CCDC81: variants seen among roughly 807,000 people sequenced by gnomAD.
The protein encoded by CCDC81 is coiled-coil domain containing 81, also known as coiled-coil domain-containing protein 81.
CCDC81 carries 79 observed loss-of-function variants against 83.7 expected under a neutral mutation model. That is an observed-to-expected ratio of 0.94 (90% CI 0.79 to 1.14). The LOEUF is 1.14. CCDC81 is among the 50% of genes most tolerant of loss of function. The pLI is 0.00. For missense variants in CCDC81, 791 were observed against 778.1 expected, an observed-to-expected ratio of 1.02 and a Z score of -0.20; for synonymous variants, 252 against 278.1, an observed-to-expected ratio of 0.91 and a Z score of 0.93.
At chr11:86,420,772 C>T (rs1948779084) in intron 14 of CCDC81, among the ~76,000 whole-genome samples, 1 of 152,186 alleles carries the variant, frequency 6.6e-6, no homozygotes, top group Non-Finnish European at 1.5e-5. Context: ...TCTTGTAAAG[C>T]ATTTCTCACC....
At chr11:86,391,763 A>AT (rs2138508948) in intron 3 of CCDC81, among the ~76,000 whole-genome samples, 1 of 152,336 alleles carries the variant, frequency 6.6e-6, no homozygotes, top group South Asian at 2.1e-4. Flanking sequence ...GTATCAGTTC[A>AT]TTCTTGCATT....
At position 86,422,587 on chromosome 11, in the gene CCDC81, C is replaced by G. The variant is rs369498043; in HGVS notation, c.1831C>G (p.Leu611Val). The G allele has an allele frequency of 1.2e-6, 2 of 1,613,656 alleles. No individual in the cohort carries two copies. The highest frequency in any genetic ancestry group is 2.7e-5 in the African/African-American group (2 of 74,924). ...DKAFERASDKLFLLDQCEKYR... is the reference protein window; with the variant it reads ...DKAFERASDKVFLLDQCEKYR... ...TCCTCTCCTCAGGGCTTCAGACAAG[C>G]TGTTTCTCCTAGACCAGTGTGAGAA... Residue 611 changes from leucine (L) to valine (V), a missense_variant, in exon 15 of 15, where the codon CTG becomes GTG. Leu to Val is a conservative substitution (Grantham distance 32). Transcript: ENST00000445632.
chr11:86,400,652 G>A (rs559821690), intron 6 of CCDC81, 26 bp from the exon 7 acceptor site: 63 of 1,570,676 alleles, frequency 4.0e-5, no homozygotes, highest in South Asian at 3.0e-4. Context: ...AAGGAGACTC[G>A]TTTTCATTCA....
chr11:86,416,891 GT>G (rs1469805516), intron 13 of CCDC81, among the ~76,000 whole-genome samples: 1 of 151,826 alleles, frequency 6.6e-6, no homozygotes, highest in Non-Finnish European at 1.5e-5. Flanking sequence ...ATTTATACTT[GT>G]TTTTTTTCTT....
At chr11:86,402,831 G>A (rs1948511733) in intron 7 of CCDC81, among the ~76,000 whole-genome samples, 1 of 151,592 alleles carries the variant, frequency 6.6e-6, no homozygotes, top group Non-Finnish European at 1.5e-5. Flanking sequence ...GATTTCTAGT[G>A]GGTTTTTTTG....
intron 1 of CCDC81, among the ~76,000 whole-genome samples, chr11:86,381,595 A>T (rs1948177506): frequency 2.0e-5 from 3 of 152,176 alleles, no homozygotes; most frequent in Admixed American, 6.5e-5. Flanking sequence ...TCTGCATGTG[A>T]GTCCGTTTCA....
chr11:86,416,719 G>A (rs1316808800), intron 13 of CCDC81, among the ~76,000 whole-genome samples: 2 of 152,084 alleles, frequency 1.3e-5, no homozygotes, highest in Non-Finnish European at 2.9e-5. Context: ...ATTCTTTACT[G>A]GTTATGGCAG....
intron 14 of CCDC81, among the ~76,000 whole-genome samples, chr11:86,421,749 C>G (rs1160929699): frequency 6.6e-6 from 1 of 152,248 alleles, no homozygotes; most frequent in South Asian, 2.1e-4. Context: ...GAAACCCCAT[C>G]TCTACCAAAA....
intron 6 of CCDC81, among the ~76,000 whole-genome samples, chr11:86,399,591 C>T (rs1948456793): frequency 6.6e-6 from 1 of 151,084 alleles, no homozygotes; most frequent in South Asian, 2.2e-4. Flanking sequence ...GTTGGGATTA[C>T]AGGCGTGAGC....
Position 86,422,840 on chromosome 11 carries a change from T to C in CCDC81, c.*125T>C, listed in dbSNP as rs1288603680. On this transcript the variant is annotated 3_prime_UTR_variant, in exon 15 of 15. Coordinates refer to ENST00000445632, the MANE Select transcript of CCDC81 (RefSeq NM_001156474.2). Reference sequence around the variant, plus strand: ...TCATTGTTTAGGTTTGGTGCTTTCATTAGATTGCTTGTTAAGCCCTTATTG... The same window carrying C: ...TCATTGTTTAGGTTTGGTGCTTTCACTAGATTGCTTGTTAAGCCCTTATTG... 9.6e-6 allele frequency: 9 copies of C among 938,722 alleles called. No homozygotes were observed. Among genetic ancestry groups the C allele is most frequent in the Non-Finnish European group, 1.1e-5 (7 of 632,672 alleles). 58.1% of individuals were successfully genotyped at this position (938,722 alleles called of 1,614,324 possible).
At chr11:86,418,359 G>A (rs1249216578) in intron 13 of CCDC81, among the ~76,000 whole-genome samples, 1 of 152,164 alleles carries the variant, frequency 6.6e-6, no homozygotes, top group Non-Finnish European at 1.5e-5. Context: ...TTCTGGATAT[G>A]TATTCAAAAA....
chr11:86,393,450 A>G (rs1447017348), intron 4 of CCDC81, among the ~76,000 whole-genome samples: 3 of 152,186 alleles, frequency 2.0e-5, no homozygotes, highest in Admixed American at 1.3e-4. Context: ...CTAATTTTAC[A>G]ATTGAGAAAA....
In CCDC81 at chr11:86,422,572, A is replaced by G. The variant is rs1448323430; in HGVS notation, c.1818-2A>G. On this transcript the variant is annotated splice_acceptor_variant, in intron 14 of 14. Transcript: ENST00000445632. LOFTEE classifies it high-confidence loss of function. ...GATCGGCATTTGCTCTCCTCTCCTC[A>G]GGGCTTCAGACAAGCTGTTTCTCCT... 1 of 1,612,890 alleles carries G rather than the reference A, an allele frequency of 6.2e-7. No homozygotes were observed. Among genetic ancestry groups the G allele is most frequent in the African/African-American group, 1.3e-5 (1 of 74,994 alleles).
At chr11:86,410,414 C>T (rs1272313725) in intron 10 of CCDC81, among the ~76,000 whole-genome samples, 3 of 151,962 alleles carry the variant, frequency 2.0e-5, no homozygotes, top group African/African-American at 7.3e-5. Context: ...ATAATAAATG[C>T]GATGATAAAT....
intron 1 of CCDC81, among the ~76,000 whole-genome samples, chr11:86,377,321 G>C (rs574614153): frequency 2.6e-5 from 4 of 152,150 alleles, no homozygotes; most frequent in Non-Finnish European, 5.9e-5. Flanking sequence ...AATACCCAGG[G>C]ACATAATCGC....
intron 7 of CCDC81, among the ~76,000 whole-genome samples, chr11:86,406,173 A>G (rs1948563294): frequency 1.3e-5 from 2 of 152,198 alleles, no homozygotes; most frequent in African/African-American, 4.8e-5. Flanking sequence ...ATTGCTTAAA[A>G]TGATTCTTAC....
At chr11:86,382,975 A>G (rs1948194453) in intron 1 of CCDC81, among the ~76,000 whole-genome samples, 1 of 152,236 alleles carries the variant, frequency 6.6e-6, no homozygotes, top group Non-Finnish European at 1.5e-5. Flanking sequence ...AAGTCAAACT[A>G]CTATTTATTA....
At chr11:86,388,202 CTCCTTCCCTCCT>C (rs1948273021) in intron 3 of CCDC81, among the ~76,000 whole-genome samples, 1 of 120,048 alleles carries the variant, frequency 8.3e-6, no homozygotes, top group South Asian at 2.9e-4. Flanking sequence ...TCCTCCTTCC[CTCCTTCCCTCCT>C]TCCTTCCTTC....
At chr11:86,418,844 G>T (rs1171327477) in intron 13 of CCDC81, among the ~76,000 whole-genome samples, 1 of 151,956 alleles carries the variant, frequency 6.6e-6, no homozygotes, top group Non-Finnish European at 1.5e-5. Context: ...AAATGGTTAA[G>T]ATAGTAAATT....
Sources: allele counts gnomAD v4.1 joint callset (sites outside exome capture counted in the v4.1 genomes callset), GRCh38; gene constraint gnomAD v4.1.1; transcripts MANE v1.5; gene names NCBI Gene and HGNC (gene_info 2026-07-23, HGNC 2026-07-21).